Variants in NDRG3 observed in about 807,000 individuals in gnomAD.
The protein encoded by NDRG3 is protein NDRG3.
A neutral mutation model predicts 57.2 loss-of-function variants in NDRG3; 23 were observed. That is an observed-to-expected ratio of 0.40 (90% confidence interval 0.29 to 0.57). The LOEUF (loss-of-function observed/expected upper bound fraction) is 0.57, where lower values mean the gene tolerates loss of function less well. Ranked by LOEUF, NDRG3 falls within the 20% of genes least tolerant of loss-of-function variation. The probability of loss-of-function intolerance (pLI) is 0.42; values close to 1 mark genes in which losing one functional copy is unlikely to be tolerated. For synonymous variants in NDRG3, 132 were observed against 162.6 expected, an observed-to-expected ratio of 0.81 and a Z score of 1.43; for missense variants, 384 against 457.3, an observed-to-expected ratio of 0.84 and a Z score of 1.46.
intron 2 of NDRG3, among the ~76,000 whole-genome samples, chr20:36,721,051 C>T (rs1294642798): frequency 1.3e-5 from 2 of 151,366 alleles, no homozygotes; most frequent in Non-Finnish European, 2.9e-5. Context: ...GCTGGGATTA[C>T]AGGTGTGAGC....
intron 2 of NDRG3, among the ~76,000 whole-genome samples, chr20:36,714,277 C>A (rs1175597470): frequency 1.3e-5 from 2 of 151,030 alleles, no homozygotes; most frequent in Non-Finnish European, 3.0e-5. Flanking sequence ...TGGTGGTGGG[C>A]ACCTATAATC....
In NDRG3 at chr20:36,708,813, C is replaced by T. The variant is rs531495854; in HGVS notation, c.58-1806G>A. Among the ~76,000 whole-genome samples, 786 of 151,998 alleles carry T rather than the reference C, an allele frequency of 5.2e-3. 8 individuals carry two copies. The highest frequency in any genetic ancestry group is 0.018 in the African/African-American group (764 of 41,468). On this transcript the variant is annotated intron_variant, in intron 2 of 15. Transcript: ENST00000349004. ...CGGCACTTTGGGAGGCCAAGGCGGG[C>T]GGATCACCTGAGGTTGGGAGTATGA...
At chr20:36,680,790 G>C (rs1419854433) in intron 8 of NDRG3, 26 bp downstream of exon 8, 2 of 1,595,036 alleles carry the variant, frequency 1.3e-6, no homozygotes, top group Non-Finnish European at 1.7e-6. Flanking sequence ...AAGATAAGCC[G>C]ATGGACACCT....
chr20:36,730,318 C>G (rs932896492), intron 1 of NDRG3, among the ~76,000 whole-genome samples: 1 of 151,470 alleles, frequency 6.6e-6, no homozygotes, highest in Non-Finnish European at 1.5e-5. Flanking sequence ...GCAGTGGCAC[C>G]ATCTTAGCTC....
At chr20:36,662,523 A>G (rs1045403922) in intron 12 of NDRG3, among the ~76,000 whole-genome samples, 2 of 152,226 alleles carry the variant, frequency 1.3e-5, no homozygotes, top group South Asian at 4.1e-4. Context: ...TTTGACATCT[A>G]CTTTCTCCTC....
intron 6 of NDRG3, among the ~76,000 whole-genome samples, chr20:36,683,603 T>C (rs935414923): frequency 2.0e-5 from 3 of 150,302 alleles, no homozygotes; most frequent in Non-Finnish European, 4.4e-5. Flanking sequence ...GGTGATGGAG[T>C]GAAACTCCAT....
chr20:36,670,419 AT>A (rs1330300665), intron 9 of NDRG3, among the ~76,000 whole-genome samples: 1 of 152,178 alleles, frequency 6.6e-6, no homozygotes, highest in African/African-American at 2.4e-5. Flanking sequence ...ACTCTAAAAT[AT>A]ATGTGAATTT....
At chr20:36,731,809 CA>C (rs78030577) in intron 1 of NDRG3, among the ~76,000 whole-genome samples, 265 of 126,744 alleles carry the variant, frequency 2.1e-3, no homozygotes, top group Admixed American at 2.2e-3. Context: ...GACTCCATCT[CA>C]AAAAAAAAAA....
At chr20:36,739,635 G>A (rs868847307) in intron 1 of NDRG3, among the ~76,000 whole-genome samples, 2 of 151,004 alleles carry the variant, frequency 1.3e-5, no homozygotes, top group African/African-American at 2.4e-5. Flanking sequence ...GTGAAACCCT[G>A]TCTCGGCCGG....
At chr20:36,654,591 G>A (rs144294421) in intron 15 of NDRG3, among the ~76,000 whole-genome samples, 1 of 152,222 alleles carries the variant, frequency 6.6e-6, no homozygotes, top group Non-Finnish European at 1.5e-5. Flanking sequence ...CCTGGATTTA[G>A]GATGACAAGA....
intron 2 of NDRG3, among the ~76,000 whole-genome samples, chr20:36,718,611 T>C (rs1219492900): frequency 6.6e-6 from 1 of 152,150 alleles, no homozygotes; most frequent in African/African-American, 2.4e-5. Flanking sequence ...TCTTCCTGGT[T>C]TGTGGACAGC....
At chr20:36,680,341 G>C (rs552857225) in intron 8 of NDRG3, among the ~76,000 whole-genome samples, 16 of 151,866 alleles carry the variant, frequency 1.1e-4, no homozygotes, top group Non-Finnish European at 2.2e-4. Flanking sequence ...AAAAAAATTA[G>C]CCGGGCATGG....
chr20:36,667,249 T>C (rs1979712389), intron 9 of NDRG3, among the ~76,000 whole-genome samples: 2 of 152,176 alleles, frequency 1.3e-5, no homozygotes, highest in African/African-American at 4.8e-5. Flanking sequence ...GATTTAGTAA[T>C]TCATTATTTA....
At chr20:36,670,483 C>T (rs1016226020) in intron 9 of NDRG3, among the ~76,000 whole-genome samples, 4 of 152,058 alleles carry the variant, frequency 2.6e-5, no homozygotes, top group Non-Finnish European at 5.9e-5. Context: ...TTGGACTTGG[C>T]CTGACCTGGA....
rs1226799604 is a variant in NDRG3, at chr20:36,695,524, C to T, written c.94-6740G>A. On this transcript the variant is annotated intron_variant, in intron 3 of 15. Transcript: ENST00000349004. ...GGAAAAGAACGCATTCCTGGGGGGA[C>T]GGAGGGGGATCTCTAAAATGGCCGC... Among the ~76,000 whole-genome samples the T allele has an allele frequency of 5.9e-5, 9 of 152,074 alleles. No individual in the cohort carries two copies. The East Asian group carries it at 7.7e-4, about 13-fold the overall frequency.
At chr20:36,730,608 T>TA (rs768957804) in intron 1 of NDRG3, among the ~76,000 whole-genome samples, 25 of 146,824 alleles carry the variant, frequency 1.7e-4, no homozygotes, top group Middle Eastern at 3.4e-3. Context: ...GTGAAAAAAA[T>TA]AAAAAAAAAG....
intron 2 of NDRG3, among the ~76,000 whole-genome samples, chr20:36,707,621 T>A (rs1198860787): frequency 6.6e-6 from 1 of 152,118 alleles, no homozygotes; most frequent in Non-Finnish European, 1.5e-5. Context: ...GGACAAGTCA[T>A]TGAATCATTT....
intron 1 of NDRG3, among the ~76,000 whole-genome samples, chr20:36,729,571 A>G (rs1985150715): frequency 6.6e-6 from 1 of 151,760 alleles, no homozygotes; most frequent in Non-Finnish European, 1.5e-5. Flanking sequence ...TCTGTCACCC[A>G]GGCTAGAGTG....
chr20:36,676,979 C>T (rs1980784902), intron 8 of NDRG3, among the ~76,000 whole-genome samples: 1 of 152,222 alleles, frequency 6.6e-6, no homozygotes, highest in South Asian at 2.1e-4. Flanking sequence ...CAAACTGCAG[C>T]TGTGGATCTC....
Sources: gnomAD v4.1 joint callset for allele counts (sites outside exome capture counted in the v4.1 genomes callset) on GRCh38, gnomAD v4.1.1 for gene constraint, MANE v1.5 for transcripts, NCBI Gene and HGNC (gene_info 2026-07-23, HGNC 2026-07-21) for gene names.